ATP13A5: variants seen among roughly 807,000 people sequenced by gnomAD.
ATP13A5 encodes the protein ATPase 13A5.
In ATP13A5, 149 loss-of-function variants were observed where a neutral mutation model predicts 150.2. That is an observed-to-expected ratio of 0.99 (90% CI 0.87 to 1.14). ATP13A5 has a LOEUF of 1.14. ATP13A5 is among the 50% of genes most tolerant of loss of function. The pLI is 0.00. For synonymous variants in ATP13A5, 497 were observed against 522.2 expected, an observed-to-expected ratio of 0.95 and a Z score of 0.66; for missense variants, 1,383 against 1,449.3, an observed-to-expected ratio of 0.95 and a Z score of 0.74.
intron 1 of ATP13A5, among the ~76,000 whole-genome samples, chr3:193,370,638 CTAA>C (rs1016494377): frequency 6.6e-6 from 1 of 152,110 alleles, no homozygotes; most frequent in African/African-American, 2.4e-5. Context: ...TTGTTAGAAA[CTAA>C]TAAGATATGA....
rs9879054 is a variant in ATP13A5, at chr3:193,331,713, T to C, written c.1273-402A>G. 7.5e-3 allele frequency among the ~76,000 whole-genome samples: 1,144 copies of C among 152,294 alleles called. 13 individuals are homozygous for C. Among genetic ancestry groups the C allele is most frequent in the African/African-American group, 0.026 (1,072 of 41,560 alleles). ...AACATCCTTCCAAGATCTCAGCATA[T>C]ATTATTAACTACAGAGAAGCCAATA... On this transcript the variant is annotated intron_variant, in intron 11 of 29. Transcript: ENST00000342358.
At position 193,279,104 on chromosome 3, in the gene ATP13A5, T is replaced by C. The variant is rs539887457; in HGVS notation, c.3315+262A>G. Among the ~76,000 whole-genome samples the C allele has an allele frequency of 1.2e-4, 18 of 152,322 alleles. No individual in the cohort carries two copies. In the South Asian group the frequency reaches 3.5e-3, roughly 30 times the overall value. ...TATTGCATTAATTTTATTGTATTGGTATAACATAGCATAATAAAGTATCCA... is the reference window on the plus strand; with the variant it reads ...TATTGCATTAATTTTATTGTATTGGCATAACATAGCATAATAAAGTATCCA... On this transcript the variant is annotated intron_variant, in intron 28 of 29. Transcript: ENST00000342358.
At chr3:193,305,061 G>A (rs927259661) in intron 23 of ATP13A5, among the ~76,000 whole-genome samples, 8 of 152,070 alleles carry the variant, frequency 5.3e-5, no homozygotes, top group Non-Finnish European at 1.5e-5. Flanking sequence ...GATTTGGGTG[G>A]GAACACAAAG....
intron 12 of ATP13A5, among the ~76,000 whole-genome samples, chr3:193,327,488 C>G (rs1719507824): frequency 6.6e-6 from 1 of 151,882 alleles, no homozygotes; most frequent in Non-Finnish European, 1.5e-5. Context: ...CCATCTGGTT[C>G]ACAGTAATTT....
intron 1 of ATP13A5, among the ~76,000 whole-genome samples, chr3:193,367,854 A>G (rs908752020): frequency 1.3e-5 from 2 of 152,168 alleles, no homozygotes; most frequent in African/African-American, 4.8e-5. Context: ...ATGATGAAAT[A>G]GTGAATATTT....
At chr3:193,371,041 A>G (rs534708983) in intron 1 of ATP13A5, among the ~76,000 whole-genome samples, 7 of 152,290 alleles carry the variant, frequency 4.6e-5, no homozygotes, top group Non-Finnish European at 8.8e-5. Context: ...TGAAAGTGCA[A>G]CTAAGGACCT....
intron 25 of ATP13A5, among the ~76,000 whole-genome samples, chr3:193,298,210 C>A (rs1429663970): frequency 6.6e-6 from 1 of 152,020 alleles, no homozygotes; most frequent in Non-Finnish European, 1.5e-5. Context: ...GTATCATTCA[C>A]AAATAAATCA....
chr3:193,374,530 A>C lies in ATP13A5; in HGVS notation c.63+4133T>G, dbSNP rs1406049112. 2.0e-5 allele frequency among the ~76,000 whole-genome samples: 3 copies of C among 151,924 alleles called. No homozygotes were observed. The East Asian group carries it at 5.8e-4, about 29-fold the overall frequency. ...TGTTGTAGCGCATGCCTTTGGTCCC[A>C]GCTATATGGGAGGCTGAGGCAGGAG... On this transcript the variant is annotated intron_variant, in intron 1 of 29. Transcript: ENST00000342358.
chr3:193,304,190 G>A (rs925738747), intron 23 of ATP13A5, among the ~76,000 whole-genome samples: 1 of 152,176 alleles, frequency 6.6e-6, no homozygotes, highest in Non-Finnish European at 1.5e-5. Flanking sequence ...GAAGAGGAAG[G>A]AGTTACACGC....
Position 193,378,660 on chromosome 3 carries a change from C to G in ATP13A5, c.63+3G>C. 6.2e-7 allele frequency: 1 copy of G among 1,612,694 alleles called. No individual in the cohort carries two copies. The highest frequency in any genetic ancestry group is 8.5e-7 in the Non-Finnish European group (1 of 1,178,724). ...AGACTAATAAAATAAAGGGAAGACT[C>G]ACCAGTTCATCCTCCTCTCCCTGGT... is the stretch of plus-strand genomic sequence containing the variant. On this transcript the variant is annotated splice_donor_region_variant and intron_variant, in intron 1 of 29. Coordinates refer to ENST00000342358, the MANE Select transcript of ATP13A5 (RefSeq NM_198505.4).
Position 193,275,137 on chromosome 3 carries a change from T to C in ATP13A5, c.3562A>G (p.Ile1188Val), listed in dbSNP as rs765467604. The C allele has an allele frequency of 3.7e-6, 6 of 1,614,116 alleles. No individual in the cohort carries two copies. In the East Asian group the frequency reaches 1.1e-4, roughly 30 times the overall value. Residue 1188 changes from isoleucine (I) to valine (V), a missense_variant, in exon 30 of 30, where the codon ATC becomes GTC. By Grantham distance (29) the Ile-to-Val change is conservative. This residue lies in a region of ATP13A5 where 568 missense variants were observed against 621.5 expected (regional missense o/e 0.91). Coordinates refer to ENST00000342358, the MANE Select transcript of ATP13A5 (RefSeq NM_198505.4). Reference protein sequence around the residue: ...YSGDGKNGFYINGGYESHEQI... With the variant: ...YSGDGKNGFYVNGGYESHEQI... ...TCATGGCTTTCATAGCCTCCGTTGA[T>C]GTAGAATCCATTTTTGCCATCACCT...
rs185269934 is a variant in ATP13A5, at chr3:193,274,849, C to T, written c.*193G>A. On this transcript the variant is annotated 3_prime_UTR_variant, in exon 30 of 30. Coordinates refer to ENST00000342358, the MANE Select transcript of ATP13A5 (RefSeq NM_198505.4). The stretch of plus-strand genomic sequence containing the variant: ...TGATACAGGAAATGCATTTTTTTCT[C>T]TCATTGGTAAAGCATACAGTCAGAA... 7.9e-5 allele frequency: 55 copies of T among 691,880 alleles called. No homozygotes were observed. In the East Asian group the frequency reaches 1.3e-3, roughly 17 times the overall value. 42.9% of individuals were successfully genotyped at this position (691,880 alleles called of 1,614,324 possible). A position where few individuals can be genotyped will look rare whatever the true frequency, so the allele number is the denominator to read the frequency against.
chr3:193,281,611 CA>C (rs772186162), intron 27 of ATP13A5, among the ~76,000 whole-genome samples: 7 of 152,038 alleles, frequency 4.6e-5, no homozygotes, highest in Non-Finnish European at 1.0e-4. Flanking sequence ...GAGCTTCTGT[CA>C]AAGGCTGTTA....
At chr3:193,374,391 C>A (rs1448749248) in intron 1 of ATP13A5, among the ~76,000 whole-genome samples, 1 of 150,692 alleles carries the variant, frequency 6.6e-6, no homozygotes, top group African/African-American at 2.4e-5. Flanking sequence ...GCCTATAATC[C>A]CAGCATTTTA....
intron 15 of ATP13A5, 86 bp from the exon 16 acceptor site, chr3:193,321,923 A>G: frequency 7.1e-7 from 1 of 1,414,036 alleles, no homozygotes; most frequent in South Asian, 1.3e-5. Context: ...TTACTGTGCA[A>G]TGAGCCCAGA....
chr3:193,276,894 T>G, intron 28 of ATP13A5, 64 bp from the exon 29 acceptor site: 1 of 1,141,406 alleles, frequency 8.8e-7, no homozygotes, highest in Non-Finnish European at 1.3e-6. Context: ...AAGACCATAT[T>G]AATTATTTAA....
At chr3:193,368,496 C>T (rs564611109) in intron 1 of ATP13A5, among the ~76,000 whole-genome samples, 4 of 150,680 alleles carry the variant, frequency 2.7e-5, no homozygotes, top group East Asian at 2.0e-4. Flanking sequence ...ATTTTTGAAA[C>T]GAATAAATGT....
At chr3:193,375,250 C>T (rs1260121926) in intron 1 of ATP13A5, among the ~76,000 whole-genome samples, 1 of 152,184 alleles carries the variant, frequency 6.6e-6, no homozygotes, top group African/African-American at 2.4e-5. Flanking sequence ...TCATTTAATC[C>T]TCACCACAAT....
chr3:193,284,845 G>T, intron 27 of ATP13A5, 69 bp downstream of exon 27: 1 of 1,266,820 alleles, frequency 7.9e-7, no homozygotes. Context: ...CACCAGTGAG[G>T]TACAACTCTA....
Sources: gnomAD v4.1 joint callset for allele counts (sites outside exome capture counted in the v4.1 genomes callset) on GRCh38, gnomAD v4.1.1 for gene constraint, gnomAD v4.1.1 regional missense constraint, MANE v1.5 for transcripts, NCBI Gene and HGNC (gene_info 2026-07-23, HGNC 2026-07-21) for gene names.